The following NR6A1 variants were observed in gnomAD, a reference collection of about 807,000 sequenced individuals.
NR6A1 encodes nuclear receptor subfamily 6 group A member 1.
Under a neutral mutation model 59.1 loss-of-function variants are expected in NR6A1, and 7 were observed. The observed-to-expected ratio is 0.12, with a 90% CI of 0.07 to 0.22. NR6A1 has a LOEUF of 0.22. Among genes scored for constraint, NR6A1 ranks in the 10% least tolerant of loss-of-function variants. The probability of loss-of-function intolerance (pLI) is 1.00; values close to 1 mark genes in which losing one functional copy is unlikely to be tolerated. For synonymous variants in NR6A1, 243 were observed against 236.1 expected (o/e 1.03, Z -0.27); for missense variants, 468 against 611.6 (o/e 0.77, Z 2.48).
intron 2 of NR6A1, among the ~76,000 whole-genome samples, chr9:124,600,917 G>A (rs1360998558): frequency 6.7e-6 from 1 of 149,502 alleles, no homozygotes; most frequent in Non-Finnish European, 1.5e-5. Context: ...TAATGCCAAT[G>A]CTATGTAAAA....
chr9:124,551,520 G>A (rs551127340), intron 3 of NR6A1, among the ~76,000 whole-genome samples: 1 of 152,118 alleles, frequency 6.6e-6, no homozygotes, highest in African/African-American at 2.4e-5. Flanking sequence ...ACATAACCTT[G>A]AGAGAAACAA....
rs1023477697 is a variant in NR6A1 at position 124,554,527 on chromosome 9, A to G, written c.186T>C (p.Ile62=). ...GCAAGCCTGTAGCGCGGTCCCCACA[A>G]ATGAGACAGGTTCGTTGTTCAGCCC... The part of the protein sequence containing the change: ...DDRAEQRTCL[I]CGDRATGLHY... Residue 62 remains isoleucine (I), a synonymous_variant, in exon 3 of 10, where the codon ATT becomes ATC. Coordinates refer to ENST00000487099, the MANE Select transcript of NR6A1 (RefSeq NM_033334.4). 2 of 1,614,210 alleles carry G rather than the reference A, an allele frequency of 1.2e-6. No individual in the cohort carries two copies. The highest frequency in any genetic ancestry group is 1.7e-6 in the Non-Finnish European group (2 of 1,180,030).
At chr9:124,650,592 T>C (rs1422204437) in intron 2 of NR6A1, among the ~76,000 whole-genome samples, 1 of 152,176 alleles carries the variant, frequency 6.6e-6, no homozygotes, top group African/African-American at 2.4e-5. Context: ...AAGAGAGTAT[T>C]TGGAATGTTC....
chr9:124,707,772 T>G (rs1839176483), intron 2 of NR6A1, among the ~76,000 whole-genome samples: 1 of 152,184 alleles, frequency 6.6e-6, no homozygotes, highest in Non-Finnish European at 1.5e-5. Flanking sequence ...CACCTTTTTA[T>G]TTTGAAGCCT....
At chr9:124,531,480 G>T (rs1387651590) in intron 7 of NR6A1, among the ~76,000 whole-genome samples, 2 of 152,212 alleles carry the variant, frequency 1.3e-5, no homozygotes, top group Non-Finnish European at 2.9e-5. Flanking sequence ...AAGAAGTAAA[G>T]GCCATCTGGG....
chr9:124,558,891 T>C (rs1453877079), intron 2 of NR6A1, among the ~76,000 whole-genome samples: 1 of 152,138 alleles, frequency 6.6e-6, no homozygotes, highest in Admixed American at 6.6e-5. Context: ...ATGAACAAAC[T>C]GAAGCAAATG....
At chr9:124,705,167 T>C (rs1839086648) in intron 2 of NR6A1, among the ~76,000 whole-genome samples, 1 of 152,242 alleles carries the variant, frequency 6.6e-6, no homozygotes, top group Non-Finnish European at 1.5e-5. Context: ...CCTTGTATAT[T>C]TTGCATAAAG....
chr9:124,730,418 C>T (rs560628903), intron 2 of NR6A1, among the ~76,000 whole-genome samples: 7 of 151,916 alleles, frequency 4.6e-5, no homozygotes, highest in African/African-American at 1.7e-4. Flanking sequence ...TTTGCAGAGA[C>T]GGGGCTCCCT....
At chr9:124,624,285 A>G (rs1365235089) in intron 2 of NR6A1, among the ~76,000 whole-genome samples, 1 of 152,206 alleles carries the variant, frequency 6.6e-6, no homozygotes. Context: ...TTCCCGGTAC[A>G]TGGTGGCAGC....
chr9:124,683,066 G>C (rs1417261667), intron 2 of NR6A1, among the ~76,000 whole-genome samples: 1 of 152,050 alleles, frequency 6.6e-6, no homozygotes, highest in African/African-American at 2.4e-5. Context: ...ATTAGACATG[G>C]TGGTGCATAC....
intron 2 of NR6A1, among the ~76,000 whole-genome samples, chr9:124,567,861 T>C (rs1834314884): frequency 7.0e-6 from 1 of 142,796 alleles, no homozygotes; most frequent in Non-Finnish European, 1.5e-5. Context: ...TTTTAACTAG[T>C]ACAGAGTCAT....
chr9:124,649,384 G>C (rs1000246567), intron 2 of NR6A1, among the ~76,000 whole-genome samples: 1 of 152,068 alleles, frequency 6.6e-6, no homozygotes, highest in African/African-American at 2.4e-5. Flanking sequence ...AAATGGCACT[G>C]GGAAAGCGAG....
chr9:124,528,744 C>G (rs759973106), intron 7 of NR6A1, among the ~76,000 whole-genome samples: 3 of 151,394 alleles, frequency 2.0e-5, no homozygotes, highest in Non-Finnish European at 4.4e-5. Context: ...AACCAACCAA[C>G]CAACCAACCA....
chr9:124,538,244 T>C lies in NR6A1; in HGVS notation c.672A>G (p.Gln224=). The C allele has an allele frequency of 1.2e-6, 2 of 1,614,190 alleles. No homozygotes were observed. The highest frequency in any genetic ancestry group is 8.5e-7 in the Non-Finnish European group (1 of 1,180,038). ...YMGMSVPPHY[Q]YIPHLFSYSG... is the part of the protein sequence containing the mutation. ...AATAGCTAAAAAGGTGCGGTATATA[T>C]TGGTAATGTGGAGGCACAGACATTC... The change falls in exon 6 of 10, where the codon CAA becomes CAG. Residue 224 remains glutamine (Q), a synonymous_variant. Coordinates refer to ENST00000487099, the MANE Select transcript of NR6A1 (RefSeq NM_033334.4).
chr9:124,580,767 C>A (rs2131457875), intron 2 of NR6A1, among the ~76,000 whole-genome samples: 1 of 152,124 alleles, frequency 6.6e-6, no homozygotes, highest in South Asian at 2.1e-4. Flanking sequence ...TTGTTGTGAG[C>A]CAAGATCGCG....
At chr9:124,770,298 T>C (rs1841092183) in intron 1 of NR6A1, 1 of 147,466 alleles carries the variant, frequency 6.8e-6, no homozygotes, top group Non-Finnish European at 1.5e-5. Flanking sequence ...GCGCGGGGCG[T>C]TGAGGAAGGT....
intron 2 of NR6A1, among the ~76,000 whole-genome samples, chr9:124,725,090 C>G (rs568187408): frequency 6.6e-6 from 1 of 152,170 alleles, no homozygotes; most frequent in Non-Finnish European, 1.5e-5. Context: ...TACAGCTACA[C>G]GGTAAACACG....
chr9:124,684,787 T>C (rs1838278354), intron 2 of NR6A1, among the ~76,000 whole-genome samples: 2 of 152,164 alleles, frequency 1.3e-5, no homozygotes, highest in Admixed American at 6.5e-5. Context: ...TCTCATTTCA[T>C]ACCATGGACG....
intron 1 of NR6A1, among the ~76,000 whole-genome samples, chr9:124,767,620 C>G (rs1840976255): frequency 6.6e-6 from 1 of 151,322 alleles, no homozygotes; most frequent in African/African-American, 2.4e-5. Context: ...GGAAAAAATT[C>G]TGGGGCAACT....
Sources: allele counts gnomAD v4.1 joint callset (sites outside exome capture counted in the v4.1 genomes callset), GRCh38; gene constraint gnomAD v4.1.1; transcripts MANE v1.5; gene names NCBI Gene and HGNC (gene_info 2026-07-23, HGNC 2026-07-21).